Variants in KIF1A observed in about 807,000 individuals in gnomAD.
The protein encoded by KIF1A is kinesin-like protein KIF1A.
A neutral mutation model predicts 227.3 loss-of-function variants in KIF1A; 46 were observed. The observed-to-expected ratio is 0.20, with a 90% CI of 0.16 to 0.26. The LOEUF (loss-of-function observed/expected upper bound fraction) is 0.26, where lower values mean the gene tolerates loss of function less well. Among genes scored for constraint, KIF1A ranks in the 10% least tolerant of loss-of-function variants. The pLI is 1.00. For missense variants in KIF1A, 1,683 were observed against 2,485.9 expected, an observed-to-expected ratio of 0.68 and a Z score of 6.87; for synonymous variants, 1,022 against 1,012.8, an observed-to-expected ratio of 1.01 and a Z score of -0.17.
In KIF1A at chr2:240,733,033, G is replaced by A. The variant is rs575579943; in HGVS notation, c.4007+4030C>T. 1.9e-4 allele frequency among the ~76,000 whole-genome samples: 25 copies of A among 131,214 alleles called. No individual in the cohort carries two copies. The South Asian group carries it at 5.1e-3, about 27-fold the overall frequency. 86.1% of individuals were successfully genotyped at this position (131,214 alleles called of 152,430 possible). ...GAGGGGGAATGAGGGAGGGATGAGG[G>A]GGAATGAGGGGGGGATGAGAGGGTG... On this transcript the variant is annotated intron_variant, in intron 38 of 48. Transcript: ENST00000498729.
intron 4 of KIF1A, 114 bp downstream of exon 4, chr2:240,787,937 C>T (rs1320888044): frequency 4.8e-6 from 5 of 1,044,024 alleles, no homozygotes; most frequent in Non-Finnish European, 6.9e-6. Context: ...CCTTCCCCTC[C>T]TGACTCCCTG....
chr2:240,718,391 T>C (rs1316235487), intron 47 of KIF1A, among the ~76,000 whole-genome samples: 2 of 152,204 alleles, frequency 1.3e-5, no homozygotes, highest in African/African-American at 2.4e-5. Flanking sequence ...ACCACTGCTA[T>C]GCCTCCCCAC....
At chr2:240,809,581 T>C (rs1005780164) in intron 1 of KIF1A, among the ~76,000 whole-genome samples, 1 of 152,130 alleles carries the variant, frequency 6.6e-6, no homozygotes, top group African/African-American at 2.4e-5. Flanking sequence ...ATAAATTCCA[T>C]GTGGATTAAA....
Position 240,726,974 on chromosome 2 carries a change from G to A in KIF1A, c.4008-34C>T. ...AAGCAGAGACAAAGTAGAAGTTGAT[G>A]GCGTGGGGGCTGCTTTCAGCCAGGC... On this transcript the variant is annotated intron_variant, in intron 38 of 48. Coordinates refer to ENST00000498729, the MANE Select transcript of KIF1A (RefSeq NM_001244008.2). This position sits in a 1 kb window ranked among gnomAD's most constrained non-coding sequence, Gnocchi z 5.2. 1.5e-6 allele frequency: 2 copies of A among 1,321,922 alleles called. No individual in the cohort carries two copies. The highest frequency in any genetic ancestry group is 1.3e-5 in the South Asian group (1 of 79,282). The allele number at this position is 1,321,922 out of a possible 1,614,324, so 81.9% of individuals were successfully genotyped here.
Position 240,781,451 on chromosome 2 carries a change from A to AGC in KIF1A, c.882+1138_882+1139insGC, listed in dbSNP as rs138545527. Among the ~76,000 whole-genome samples the AGC allele has an allele frequency of 2.4e-4, 15 of 62,906 alleles. 1 individual carries two copies. The highest frequency in any genetic ancestry group is 3.3e-4 in the Non-Finnish European group (11 of 33,274). The allele number at this position is 62,906 out of a possible 152,430, so 41.3% of individuals were successfully genotyped here. A position where few individuals can be genotyped will look rare whatever the true frequency, so the allele number is the denominator to read the frequency against. ...CAGCTCCACACACACACACACACAC[A>AGC]CACACACAGCTCCACACACACACAC... On this transcript the variant is annotated intron_variant, in intron 10 of 48. Transcript: ENST00000498729.
At chr2:240,741,077 T>G (rs2125751961) in intron 35 of KIF1A, among the ~76,000 whole-genome samples, 192 bp downstream of exon 35, 1 of 152,176 alleles carries the variant, frequency 6.6e-6, no homozygotes, top group East Asian at 1.9e-4. Context: ...TCATGCCAGC[T>G]CCTCCAGGAC....
Position 240,775,800 on chromosome 2 carries a change from GC to G in KIF1A, c.958+50del. On this transcript the variant is annotated intron_variant, in intron 11 of 48. Coordinates refer to ENST00000498729, the MANE Select transcript of KIF1A (RefSeq NM_001244008.2). The surrounding 1 kb of genome is among the most constrained non-coding windows in gnomAD (Gnocchi z 5.5). ...CCCCTCAGTGGGGAAGAAGGGCACA[GC>G]CCAGGGTGGGATCAGAGCCCTGGGG... is the stretch of plus-strand genomic sequence containing the variant. 8.0e-7 allele frequency: 1 copy of G among 1,246,646 alleles called. No individual in the cohort carries two copies. The highest frequency in any genetic ancestry group is 1.2e-6 in the Non-Finnish European group (1 of 844,950). The allele number at this position is 1,246,646 out of a possible 1,614,324, so 77.2% of individuals were successfully genotyped here.
chr2:240,714,792 C>G lies in KIF1A; in HGVS notation c.*2572G>C. On this transcript the variant is annotated 3_prime_UTR_variant, in exon 49 of 49. Transcript: ENST00000498729. Reference sequence around the variant, plus strand: ...TCTGGGTCCTGGCTTAGGCACTCCTCACTAGAGCAGGCCCGGAAGGAGGGA... The same window carrying G: ...TCTGGGTCCTGGCTTAGGCACTCCTGACTAGAGCAGGCCCGGAAGGAGGGA... 6.6e-6 allele frequency: 1 copy of G among 152,406 alleles called. No individual in the cohort carries two copies. 9.4% of individuals were successfully genotyped at this position (152,406 alleles called of 1,614,324 possible). A position where few individuals can be genotyped will look rare whatever the true frequency, so the allele number is the denominator to read the frequency against.
chr2:240,737,616 G>C (rs1329250886), intron 37 of KIF1A: 1 of 165,788 alleles, frequency 6.0e-6, no homozygotes, highest in Admixed American at 5.7e-5. Flanking sequence ...GGAGGGATGG[G>C]AAGGGATAGG....
intron 29 of KIF1A, among the ~76,000 whole-genome samples, chr2:240,746,925 AGGGTGG>A (rs2048669035): frequency 6.6e-6 from 1 of 152,134 alleles, no homozygotes; most frequent in African/African-American, 2.4e-5. Flanking sequence ...GAAGGGAGAC[AGGGTGG>A]GGGTGGCTGC....
intron 7 of KIF1A, 84 bp from the exon 8 acceptor site, chr2:240,783,900 C>A: frequency 9.5e-7 from 1 of 1,052,676 alleles, no homozygotes; most frequent in Non-Finnish European, 1.4e-6. Context: ...GTCTCCACAG[C>A]TGTTGAAGGA....
intron 47 of KIF1A, 96 bp from the exon 48 acceptor site, chr2:240,718,264 C>A: frequency 1.1e-6 from 1 of 870,076 alleles, no homozygotes; most frequent in Non-Finnish European, 1.9e-6. Flanking sequence ...GGGAGGGGCA[C>A]TGCCAGGAAA....
intron 14 of KIF1A, among the ~76,000 whole-genome samples, chr2:240,771,886 T>G (rs2052050437): frequency 6.6e-6 from 1 of 152,024 alleles, no homozygotes; most frequent in Non-Finnish European, 1.5e-5. Flanking sequence ...CTGAAGTGGG[T>G]GGTGCCAGGG....
chr2:240,814,074 G>A (rs1335580876), intron 1 of KIF1A, among the ~76,000 whole-genome samples: 1 of 151,944 alleles, frequency 6.6e-6, no homozygotes, highest in Non-Finnish European at 1.5e-5. Context: ...TAAACAAGGA[G>A]ACAGAATATA....
intron 1 of KIF1A, among the ~76,000 whole-genome samples, chr2:240,800,631 C>T (rs540301723): frequency 6.6e-6 from 1 of 152,174 alleles, no homozygotes; most frequent in East Asian, 1.9e-4. Flanking sequence ...GGCCAAGATT[C>T]CAGAAGACAG....
chr2:240,787,238 C>T lies in KIF1A; in HGVS notation c.429+13G>A, dbSNP rs777803050. On this transcript the variant is annotated intron_variant, in intron 5 of 48. Transcript: ENST00000498729. ...CCCTGCCCCAGCGGCCAACGGCAGG[C>T]GGGGAGCCCTACCTCCACGGAGTAG... The T allele has an allele frequency of 4.1e-5, 66 of 1,609,398 alleles. No homozygotes were observed. Among genetic ancestry groups the T allele is most frequent in the Non-Finnish European group, 5.2e-5 (61 of 1,176,736 alleles).
chr2:240,763,534 C>T (rs2050788471), intron 20 of KIF1A, among the ~76,000 whole-genome samples, 188 bp from the exon 21 acceptor site: 1 of 152,204 alleles, frequency 6.6e-6, no homozygotes, highest in Admixed American at 6.5e-5. Flanking sequence ...ATAAATCCAC[C>T]CTTGGCCACT....
Position 240,787,950 on chromosome 2 carries a change from C to T in KIF1A, c.363+101G>A, listed in dbSNP as rs953484835. On this transcript the variant is annotated intron_variant, in intron 4 of 48. Coordinates refer to ENST00000498729, the MANE Select transcript of KIF1A (RefSeq NM_001244008.2). ...GGCCTTCCCCTCCTGACTCCCTGCT[C>T]TCTGGGGGCTGCTCTCAGGGGTGCC... 1.7e-4 allele frequency: 195 copies of T among 1,172,520 alleles called. 1 individual carries two copies. Among genetic ancestry groups the T allele is most frequent in the Middle Eastern group, 1.4e-3 (5 of 3,684 alleles). The allele number at this position is 1,172,520 out of a possible 1,614,324, so 72.6% of individuals were successfully genotyped here.
intron 37 of KIF1A, chr2:240,737,456 C>G (rs2047473526): frequency 4.5e-6 from 1 of 220,994 alleles, no homozygotes. Context: ...AAACCACCGG[C>G]CTTCCTGACT....
Sources: gnomAD v4.1 joint callset for allele counts (sites outside exome capture counted in the v4.1 genomes callset) on GRCh38, gnomAD v4.1.1 for gene constraint, Gnocchi (gnomAD v3.1) non-coding constraint, MANE v1.5 for transcripts, NCBI Gene and HGNC (gene_info 2026-07-23, HGNC 2026-07-21) for gene names.